Variants in SLC26A7 observed in about 807,000 individuals in gnomAD.
SLC26A7 encodes solute carrier family 26 member 7, also known as anion exchange transporter.
In SLC26A7, 59 loss-of-function variants were observed where a neutral mutation model predicts 82.5. That is an observed-to-expected ratio of 0.72 (90% CI 0.58 to 0.89). The LOEUF is 0.89. SLC26A7 is among the 40% of genes least tolerant of loss of function. The pLI, the probability that SLC26A7 is intolerant of heterozygous loss-of-function variation, is 0.00. For synonymous variants in SLC26A7, 271 were observed against 274.3 expected (o/e 0.99, Z 0.12); for missense variants, 820 against 793.0 (o/e 1.03, Z -0.41).
At chr8:91,344,595 C>A (rs569002857) in intron 9 of SLC26A7, among the ~76,000 whole-genome samples, 2 of 152,244 alleles carry the variant, frequency 1.3e-5, no homozygotes, top group African/African-American at 2.4e-5. Context: ...ATAAAACTAG[C>A]TAATCAAGTT....
rs759833115 is a variant in SLC26A7, at chr8:91,351,793, T to G, written c.1141-17T>G. On this transcript the variant is annotated splice_polypyrimidine_tract_variant and intron_variant, in intron 9 of 18. Transcript: ENST00000276609. Reference sequence around the variant, plus strand: ...CAAGGCTTTCTTTTTCCTTTTTGTCTGTCTTGTATTTTACAGGTGGCTTGT... The same window carrying G: ...CAAGGCTTTCTTTTTCCTTTTTGTCGGTCTTGTATTTTACAGGTGGCTTGT... 6.3e-7 allele frequency: 1 copy of G among 1,578,476 alleles called. No individual in the cohort carries two copies. Among genetic ancestry groups the G allele is most frequent in the Non-Finnish European group, 8.7e-7 (1 of 1,150,112 alleles).
chr8:91,362,499 C>A, intron 12 of SLC26A7, 40 bp downstream of exon 12: 1 of 1,463,276 alleles, frequency 6.8e-7, no homozygotes, highest in Non-Finnish European at 9.6e-7. Context: ...TTTTGCACAG[C>A]AGCAAAATAC....
chr8:91,290,118 T>C (rs1052572767), intron 3 of SLC26A7, among the ~76,000 whole-genome samples: 2 of 152,196 alleles, frequency 1.3e-5, no homozygotes, highest in Admixed American at 6.5e-5. Flanking sequence ...ACAAAAATGG[T>C]ATCTTAGTCT....
intron 2 of SLC26A7, among the ~76,000 whole-genome samples, chr8:91,229,459 T>TTTGC (rs1810283791): frequency 6.6e-6 from 1 of 152,226 alleles, no homozygotes; most frequent in Non-Finnish European, 1.5e-5. Context: ...AACACCCATA[T>TTTGC]ACTCATCACC....
chr8:91,343,453 G>A lies in SLC26A7; in HGVS notation c.1127G>A (p.Gly376Glu), dbSNP rs1241341685. Residue 376 changes from glycine to glutamate, a missense_variant, in exon 9 of 19, where the codon GGA (glycine) becomes GAA (glutamate). Physicochemically the swap from Gly to Glu is moderately conservative, Grantham distance 98. Coordinates refer to ENST00000276609, the MANE Select transcript of SLC26A7 (RefSeq NM_052832.4). Reference protein sequence around the residue: ...MGRTAGLYSTGAKTQVACLIS... With the variant: ...MGRTAGLYSTEAKTQVACLIS... Reference sequence around the variant, plus strand: ...AGGACGGCTGGCCTGTACAGCACAGGAGCGAAGACACAGGTAACTGAATTG... The same window carrying A: ...AGGACGGCTGGCCTGTACAGCACAGAAGCGAAGACACAGGTAACTGAATTG... 2.5e-6 allele frequency: 4 copies of A among 1,611,410 alleles called. No homozygotes were observed. In the South Asian group the frequency reaches 4.4e-5, roughly 18 times the overall value.
Position 91,343,392 on chromosome 8 carries a change from T to C in SLC26A7, c.1066T>C (p.Phe356Leu). ...AHGLSNIVSS[F>L]FFCIPSAAAM... is the part of the protein sequence containing the mutation. Reference sequence around the variant, plus strand: ...TGGCCTCAGCAATATAGTTTCTTCATTTTTCTTCTGCATACCAAGTGCTGC... The same window carrying C: ...TGGCCTCAGCAATATAGTTTCTTCACTTTTCTTCTGCATACCAAGTGCTGC... Residue 356 changes from phenylalanine to leucine, a missense_variant, in exon 9 of 19, where the codon TTT (phenylalanine) becomes CTT (leucine). Phe to Leu is a conservative substitution (Grantham distance 22). Coordinates refer to ENST00000276609, the MANE Select transcript of SLC26A7 (RefSeq NM_052832.4). 2 of 1,612,800 alleles carry C rather than the reference T, an allele frequency of 1.2e-6. No individual in the cohort carries two copies. Among genetic ancestry groups the C allele is most frequent in the South Asian group, 2.2e-5 (2 of 90,952 alleles).
chr8:91,233,082 A>G (rs1220867712), intron 2 of SLC26A7, among the ~76,000 whole-genome samples: 3 of 152,164 alleles, frequency 2.0e-5, no homozygotes, highest in African/African-American at 7.2e-5. Flanking sequence ...TTGTATTTAA[A>G]TTGTGCTTTT....
chr8:91,241,120 A>G (rs1348750463), intron 2 of SLC26A7, among the ~76,000 whole-genome samples: 1 of 152,192 alleles, frequency 6.6e-6, no homozygotes, highest in Non-Finnish European at 1.5e-5. Flanking sequence ...TGTAATAATA[A>G]TAAAAATTGT....
rs777140094 is a variant in SLC26A7 at position 91,343,364 on chromosome 8, C to T, written c.1038C>T (p.Ala346=). 22 of 1,606,914 alleles carry T rather than the reference C, an allele frequency of 1.4e-5. No individual in the cohort carries two copies. Among genetic ancestry groups the T allele is most frequent in the Non-Finnish European group, 1.7e-5 (20 of 1,176,742 alleles). Reference sequence around the variant, plus strand: ...CATGAATCTTGCAGGAATTTTTGGCCCATGGCCTCAGCAATATAGTTTCTT... The same window carrying T: ...CATGAATCTTGCAGGAATTTTTGGCTCATGGCCTCAGCAATATAGTTTCTT... ...YSIDDNQEFL[A]HGLSNIVSSF... is the part of the protein sequence containing the mutation. Residue 346 remains alanine (A), a synonymous_variant, in exon 9 of 19, where the codon GCC becomes GCT. Transcript: ENST00000276609.
chr8:91,214,371 A>G (rs1357165679), intron 1 of SLC26A7, among the ~76,000 whole-genome samples: 1 of 152,178 alleles, frequency 6.6e-6, no homozygotes, highest in Non-Finnish European at 1.5e-5. Context: ...ACAGACTGGC[A>G]TGGAAAAGAA....
At chr8:91,348,786 C>T (rs1185521470) in intron 9 of SLC26A7, among the ~76,000 whole-genome samples, 1 of 151,404 alleles carries the variant, frequency 6.6e-6, no homozygotes, top group Non-Finnish European at 1.5e-5. Context: ...TCAAATTTTT[C>T]TCAAGGTAGG....
chr8:91,317,639 G>T (rs949001850), intron 4 of SLC26A7, among the ~76,000 whole-genome samples: 1 of 152,170 alleles, frequency 6.6e-6, no homozygotes, highest in Non-Finnish European at 1.5e-5. Flanking sequence ...GAATCTGGGA[G>T]AATCTTGAGG....
chr8:91,332,420 T>A (rs1310963849), intron 5 of SLC26A7, among the ~76,000 whole-genome samples: 1 of 140,156 alleles, frequency 7.1e-6, no homozygotes, highest in African/African-American at 2.6e-5. Flanking sequence ...CAATATATAT[T>A]TAATCAATAT....
chr8:91,366,790 G>C (rs1221101201), intron 14 of SLC26A7, 73 bp downstream of exon 14: 1 of 1,491,410 alleles, frequency 6.7e-7, no homozygotes, highest in East Asian at 2.3e-5. Context: ...CATGTATCAA[G>C]TAAATAATAA....
intron 5 of SLC26A7, among the ~76,000 whole-genome samples, chr8:91,325,232 C>T (rs903806822): frequency 6.6e-6 from 1 of 152,072 alleles, no homozygotes; most frequent in Non-Finnish European, 1.5e-5. Context: ...TAATGCTCAC[C>T]TTGAATTAAT....
At chr8:91,218,686 G>A (rs1348406110) in intron 1 of SLC26A7, among the ~76,000 whole-genome samples, 1 of 152,002 alleles carries the variant, frequency 6.6e-6, no homozygotes, top group African/African-American at 2.4e-5. Context: ...TCATCATTTG[G>A]ATTTTGTTTA....
rs181628251 is a variant in SLC26A7, at chr8:91,390,359, T to C, written c.1776+921T>C. On this transcript the variant is annotated intron_variant, in intron 16 of 18. Coordinates refer to ENST00000276609, the MANE Select transcript of SLC26A7 (RefSeq NM_052832.4). ...GTCTCCATCTCCTGACCTCGTGATC[T>C]ACCCGCCTTGGCCTCCCAAAGTGCT... Among the ~76,000 whole-genome samples the C allele has an allele frequency of 4.9e-3, 750 of 152,266 alleles. 10 individuals carry two copies. The highest frequency in any genetic ancestry group is 0.016 in the African/African-American group (685 of 41,566).
chr8:91,340,347 G>A, intron 7 of SLC26A7, 57 bp from the exon 8 acceptor site: 1 of 1,582,578 alleles, frequency 6.3e-7, no homozygotes, highest in South Asian at 1.1e-5. Flanking sequence ...TTCATTGCAA[G>A]TTGTTACAGA....
At chr8:91,232,185 G>A (rs1810318977) in intron 2 of SLC26A7, among the ~76,000 whole-genome samples, 1 of 152,108 alleles carries the variant, frequency 6.6e-6, no homozygotes, top group Admixed American at 6.5e-5. Context: ...AATTTTCATG[G>A]AACTCAAGTC....
Sources: gnomAD v4.1 joint callset for allele counts (sites outside exome capture counted in the v4.1 genomes callset) on GRCh38, gnomAD v4.1.1 for gene constraint, MANE v1.5 for transcripts, NCBI Gene and HGNC (gene_info 2026-07-23, HGNC 2026-07-21) for gene names.